Variants in C5 observed in about 807,000 individuals in gnomAD.
C5 encodes the protein C3 and PZP-like alpha-2-macroglobulin domain-containing protein 4.
A neutral mutation model predicts 218.8 loss-of-function variants in C5; 140 were observed. The observed-to-expected ratio is 0.64, with a 90% CI of 0.56 to 0.74. The LOEUF is 0.74. C5 is among the 30% of genes least tolerant of loss of function. The pLI, the probability that C5 is intolerant of heterozygous loss-of-function variation, is 0.00. For missense variants in C5, 1,700 were observed against 1,969.6 expected, an observed-to-expected ratio of 0.86 and a Z score of 2.59; for synonymous variants, 614 against 682.3, an observed-to-expected ratio of 0.90 and a Z score of 1.56.
intron 31 of C5, 104 bp downstream of exon 31, chr9:120,971,826 C>G: frequency 1.2e-6 from 1 of 838,762 alleles, no homozygotes; most frequent in African/African-American, 1.7e-5. Flanking sequence ...GTCATGGTTA[C>G]CCAAGCCCAG....
chr9:121,068,856 G>C, the C5 span, among the ~76,000 whole-genome samples: 1 of 152,180 alleles, frequency 6.6e-6, no homozygotes, highest in Non-Finnish European at 1.5e-5. Context: ...TTTTGACAAA[G>C]ATGTCAAGAA....
chr9:120,986,835 C>A (rs2047036696), intron 25 of C5, among the ~76,000 whole-genome samples: 1 of 152,168 alleles, frequency 6.6e-6, no homozygotes, highest in Non-Finnish European at 1.5e-5. Flanking sequence ...TGGAACTCCT[C>A]TGCTCAAGCC....
chr9:121,002,312 G>GTA (rs1564146724), intron 20 of C5, among the ~76,000 whole-genome samples: 1 of 64,696 alleles, frequency 1.5e-5, no homozygotes, highest in East Asian at 7.6e-4. Flanking sequence ...ATATATATGT[G>GTA]TGTGTATATA....
intron 8 of C5, among the ~76,000 whole-genome samples, chr9:121,026,512 A>G (rs1397393972): frequency 2.6e-5 from 4 of 152,174 alleles, no homozygotes; most frequent in African/African-American, 9.7e-5. Flanking sequence ...AGCATTATTG[A>G]CATTTTGAAC....
intron 5 of C5, among the ~76,000 whole-genome samples, chr9:121,033,593 T>A (rs1390099031): frequency 1.3e-5 from 2 of 152,244 alleles, no homozygotes; most frequent in Non-Finnish European, 2.9e-5. Flanking sequence ...AAGATGAAGT[T>A]GGAGAAATGA....
rs1248094956 is a variant in C5, at chr9:120,963,631, C to T, written c.4323+5G>A. The T allele has an allele frequency of 1.3e-6, 2 of 1,591,152 alleles. No homozygotes were observed. Among genetic ancestry groups the T allele is most frequent in the Non-Finnish European group, 1.7e-6 (2 of 1,159,444 alleles). On this transcript the variant is annotated splice_donor_5th_base_variant and intron_variant, in intron 34 of 40. Transcript: ENST00000223642. ...TCACAACACGATTTAAAAGAAAACA[C>T]ATACGGCTTTTAAGTCTTCTTCATT...
At chr9:121,021,092 A>G (rs978222630) in intron 11 of C5, among the ~76,000 whole-genome samples, 1 of 152,222 alleles carries the variant, frequency 6.6e-6, no homozygotes, top group Non-Finnish European at 1.5e-5. Context: ...AGAGAAGACT[A>G]TTAAGTGGGC....
chr9:120,955,111 C>A (rs2300930), intron 39 of C5, among the ~76,000 whole-genome samples: 33,988 of 152,064 alleles, frequency 0.22, 7,141 homozygotes, highest in African/African-American at 0.56. Context: ...CCAATTTATC[C>A]TTATCCTCAA....
At chr9:120,963,504 CAAAA>C in intron 34 of C5, 128 bp downstream of exon 34, 1 of 631,850 alleles carries the variant, frequency 1.6e-6, no homozygotes, top group Non-Finnish European at 2.7e-6. Flanking sequence ...AATCCACCTC[CAAAA>C]AAAAAAAAAT....
In C5 at chr9:120,952,662, AAG is replaced by A; in HGVS notation, c.*75_*76del. 1 of 1,480,186 alleles carries A rather than the reference AAG, an allele frequency of 6.8e-7. No individual in the cohort carries two copies. Among genetic ancestry groups the A allele is most frequent in the East Asian group, 2.3e-5 (1 of 43,354 alleles). The allele number at this position is 1,480,186 out of a possible 1,614,324, so 91.7% of individuals were successfully genotyped here. On this transcript the variant is annotated 3_prime_UTR_variant, in exon 41 of 41. Transcript: ENST00000223642. ...AAGACCAGCTATGAATGTTTAAAAA[AAG>A]AAGAAAACAAAAAAACGAACTTCAA... is the stretch of plus-strand genomic sequence containing the variant.
the C5 span, among the ~76,000 whole-genome samples, chr9:121,073,260 C>T: frequency 6.6e-6 from 1 of 152,198 alleles, no homozygotes; most frequent in African/African-American, 2.4e-5. Flanking sequence ...ACTTAACATT[C>T]AGCACATTGC....
In C5 at chr9:120,997,794, T is replaced by C. The variant is rs755776636; in HGVS notation, c.2563-20A>G. 1.7e-5 allele frequency: 27 copies of C among 1,595,810 alleles called. No homozygotes were observed. The highest frequency in any genetic ancestry group is 2.1e-5 in the Non-Finnish European group (25 of 1,168,908). On this transcript the variant is annotated intron_variant, in intron 20 of 40. Transcript: ENST00000223642. ...ACAGAACTGAAATACAAGTGAAGAA[T>C]TATATCAAAATACATTTTTTTTTTT...
chr9:121,043,155 T>C lies in C5; in HGVS notation c.270A>G (p.Lys90=). The change falls in exon 3 of 41, where the codon AAA becomes AAG. Residue 90 remains lysine (K), a synonymous_variant. Transcript: ENST00000223642. ...QNSAILTIQP[K]QLPGGQNPVS... Reference sequence around the variant, plus strand: ...CTGGGTTTTGTCCTCCAGGCAATTGTTTTGGTTGTATCTGGAAAAGAAATT... The same window carrying C: ...CTGGGTTTTGTCCTCCAGGCAATTGCTTTGGTTGTATCTGGAAAAGAAATT... The C allele has an allele frequency of 1.2e-6, 2 of 1,612,562 alleles. No homozygotes were observed. The highest frequency in any genetic ancestry group is 2.2e-5 in the South Asian group (2 of 90,980).
chr9:121,043,149 C>T lies in C5; in HGVS notation c.276G>A (p.Leu92=). ...SAILTIQPKQ[L]PGGQNPVSYV... ...AAGAAACTGGGTTTTGTCCTCCAGG[C>T]AATTGTTTTGGTTGTATCTGGAAAA... Residue 92 remains leucine, a synonymous_variant, in exon 3 of 41, where the codon TTG becomes TTA. Transcript: ENST00000223642. 6.2e-7 allele frequency: 1 copy of T among 1,612,834 alleles called. No homozygotes were observed. The highest frequency in any genetic ancestry group is 8.5e-7 in the Non-Finnish European group (1 of 1,179,348).
intron 33 of C5, among the ~76,000 whole-genome samples, chr9:120,967,365 G>A (rs749117749): frequency 2.6e-5 from 4 of 151,944 alleles, no homozygotes; most frequent in Non-Finnish European, 4.4e-5. Context: ...TTTGGCAGGC[G>A]ACTTTATCTC....
chr9:121,016,517 G>C (rs2047308832), intron 14 of C5, 134 bp from the exon 15 acceptor site: 1 of 1,197,940 alleles, frequency 8.3e-7, no homozygotes. Flanking sequence ...AATGATCAAA[G>C]ACAAAATTTC....
chr9:121,013,057 C>T (rs1197166873), intron 17 of C5, among the ~76,000 whole-genome samples: 8 of 152,180 alleles, frequency 5.3e-5, no homozygotes, highest in East Asian at 1.9e-4. Flanking sequence ...CAGTGGCTCA[C>T]GCCTGTAATC....
At chr9:121,063,257 T>A in the C5 span, among the ~76,000 whole-genome samples, 1 of 151,882 alleles carries the variant, frequency 6.6e-6, no homozygotes, top group Non-Finnish European at 1.5e-5. Context: ...TCAATTGATC[T>A]ATCTTCAAGT....
rs763487732 is a variant in C5 at position 120,996,234 on chromosome 9, G to C, written c.2851+6C>G. On this transcript the variant is annotated splice_donor_region_variant and intron_variant, in intron 22 of 40. Coordinates refer to ENST00000223642, the MANE Select transcript of C5 (RefSeq NM_001735.3). Reference sequence around the variant, plus strand: ...AACATATAAAATAAAAAATCATTTTGCCTACCATAAATACCCCTAGGATCC... The same window carrying C: ...AACATATAAAATAAAAAATCATTTTCCCTACCATAAATACCCCTAGGATCC... 12 of 1,588,106 alleles carry C rather than the reference G, an allele frequency of 7.6e-6. No homozygotes were observed. The African/African-American group carries it at 1.6e-4, about 21-fold the overall frequency.
Sources: allele counts gnomAD v4.1 joint callset (sites outside exome capture counted in the v4.1 genomes callset), GRCh38; gene constraint gnomAD v4.1.1; transcripts MANE v1.5; gene names NCBI Gene and HGNC (gene_info 2026-07-23, HGNC 2026-07-21).